PTPRG: variants seen among roughly 807,000 people sequenced by gnomAD.
PTPRG encodes receptor-type tyrosine-protein phosphatase gamma.
In PTPRG, 102 loss-of-function variants were observed where a neutral mutation model predicts 165.3. The observed-to-expected ratio is 0.62, with a 90% CI of 0.53 to 0.73. PTPRG has a LOEUF of 0.73. PTPRG is among the 30% of genes least tolerant of loss of function. The probability of loss-of-function intolerance (pLI) is 0.00; values close to 1 mark genes in which losing one functional copy is unlikely to be tolerated. For synonymous variants in PTPRG, 675 were observed against 669.5 expected, an observed-to-expected ratio of 1.01 and a Z score of -0.13; for missense variants, 1,866 against 1,861.4, an observed-to-expected ratio of 1.00 and a Z score of -0.05.
At chr3:62,231,140 G>T in intron 13 of PTPRG, 85 bp from the exon 14 acceptor site, 1 of 1,017,326 alleles carries the variant, frequency 9.8e-7, no homozygotes, top group South Asian at 3.0e-5. Flanking sequence ...TAGATGGGAG[G>T]GGAGGGCATT....
intron 2 of PTPRG, among the ~76,000 whole-genome samples, chr3:61,878,028 CTGTTGTTA>C (rs1298751903): frequency 6.6e-6 from 1 of 152,168 alleles, no homozygotes; most frequent in East Asian, 1.9e-4. Flanking sequence ...CCTGAGATCT[CTGTTGTTA>C]AATTTGGGAT....
rs1004300560 is a variant in PTPRG at position 61,799,700 on chromosome 3, T to C, written c.190+50718T>C. On this transcript the variant is annotated intron_variant, in intron 2 of 29. Transcript: ENST00000474889. The stretch of plus-strand genomic sequence containing the variant: ...AACACAATTTATGACCTTGATCTCC[T>C]GGACTGAGTTGGTATTTGTTAGATT... Among the ~76,000 whole-genome samples the C allele has an allele frequency of 3.3e-4, 50 of 152,190 alleles. 1 individual carries two copies. Among genetic ancestry groups the C allele is most frequent in the Admixed American group, 2.8e-3 (43 of 15,252 alleles).
chr3:61,723,799 A>G (rs1433340984), intron 1 of PTPRG, among the ~76,000 whole-genome samples: 8 of 152,148 alleles, frequency 5.3e-5, no homozygotes, highest in Admixed American at 5.2e-4. Context: ...ACCACTGCTG[A>G]AGTCCAGATA....
intron 8 of PTPRG, among the ~76,000 whole-genome samples, chr3:62,168,452 A>G (rs1271230652): frequency 6.6e-6 from 1 of 152,136 alleles, no homozygotes; most frequent in African/African-American, 2.4e-5. Context: ...CTTTCTGAAA[A>G]GTGTCTTACT....
intron 7 of PTPRG, among the ~76,000 whole-genome samples, chr3:62,160,781 T>A (rs2106710191): frequency 6.6e-6 from 1 of 152,268 alleles, no homozygotes; most frequent in Admixed American, 6.5e-5. Context: ...GCTTGAATTT[T>A]ACTTAAGTGC....
At chr3:61,722,640 A>G (rs1356565413) in intron 1 of PTPRG, among the ~76,000 whole-genome samples, 1 of 152,220 alleles carries the variant, frequency 6.6e-6, no homozygotes, top group South Asian at 2.1e-4. Flanking sequence ...GTCAGTATCA[A>G]ATTTCTAGTC....
chr3:62,025,357 G>A (rs1355052718), intron 4 of PTPRG, among the ~76,000 whole-genome samples: 1 of 152,204 alleles, frequency 6.6e-6, no homozygotes, highest in Non-Finnish European at 1.5e-5. Context: ...GACTGGGAAG[G>A]ACTCTGAGAG....
chr3:62,092,635 T>G (rs1701982813), intron 5 of PTPRG, among the ~76,000 whole-genome samples: 1 of 151,466 alleles, frequency 6.6e-6, no homozygotes. Flanking sequence ...TTCAGTCAAG[T>G]ACACTTAACC....
chr3:62,057,959 T>C (rs758841592), intron 4 of PTPRG, among the ~76,000 whole-genome samples: 1 of 152,214 alleles, frequency 6.6e-6, no homozygotes, highest in Non-Finnish European at 1.5e-5. Context: ...ACTTCAGGTG[T>C]AGGCATTTCA....
intron 6 of PTPRG, among the ~76,000 whole-genome samples, chr3:62,138,096 G>T (rs565361973): frequency 6.6e-6 from 1 of 152,180 alleles, no homozygotes; most frequent in African/African-American, 2.4e-5. Context: ...TTCATTAGCA[G>T]TTCCTGGGCC....
At chr3:62,130,386 G>A (rs1703469848) in intron 5 of PTPRG, among the ~76,000 whole-genome samples, 1 of 152,168 alleles carries the variant, frequency 6.6e-6, no homozygotes, top group Non-Finnish European at 1.5e-5. Context: ...AAGACATATG[G>A]ACAAGCCCAA....
intron 8 of PTPRG, among the ~76,000 whole-genome samples, chr3:62,187,146 C>T (rs1011053479): frequency 1.3e-5 from 2 of 152,248 alleles, no homozygotes; most frequent in Non-Finnish European, 2.9e-5. Context: ...GGAGCTTCCA[C>T]CTAGTGGGGG....
At chr3:61,781,293 G>T (rs1433919595) in intron 2 of PTPRG, among the ~76,000 whole-genome samples, 1 of 152,166 alleles carries the variant, frequency 6.6e-6, no homozygotes, top group Non-Finnish European at 1.5e-5. Context: ...AGGTTTAGTT[G>T]TGTGTGCTTT....
intron 28 of PTPRG, among the ~76,000 whole-genome samples, chr3:62,284,266 G>C (rs1281583111): frequency 6.6e-6 from 1 of 152,052 alleles, no homozygotes; most frequent in East Asian, 1.9e-4. Context: ...ATACTAAACA[G>C]AAGTGTTTGA....
At chr3:61,588,624 G>A (rs916257805) in intron 1 of PTPRG, among the ~76,000 whole-genome samples, 5 of 151,936 alleles carry the variant, frequency 3.3e-5, no homozygotes, top group Non-Finnish European at 7.4e-5. Flanking sequence ...TTTTTGTATT[G>A]TAGTAGAGAC....
chr3:62,104,457 C>T (rs1175026181), intron 5 of PTPRG, among the ~76,000 whole-genome samples: 1 of 152,160 alleles, frequency 6.6e-6, no homozygotes, highest in Admixed American at 6.5e-5. Flanking sequence ...CAGCCCTTTG[C>T]CTTGTTATCT....
intron 2 of PTPRG, among the ~76,000 whole-genome samples, chr3:61,816,663 T>C (rs1220999843): frequency 6.6e-6 from 1 of 152,134 alleles, no homozygotes. Flanking sequence ...AATGGCTACA[T>C]GTATTCAAAT....
intron 1 of PTPRG, among the ~76,000 whole-genome samples, chr3:61,599,194 G>C (rs1470422489): frequency 6.6e-6 from 1 of 152,094 alleles, no homozygotes; most frequent in East Asian, 1.9e-4. Context: ...GCCCAGGCTG[G>C]AGTGCAGTGC....
At chr3:61,618,504 A>G (rs368015658) in intron 1 of PTPRG, among the ~76,000 whole-genome samples, 7 of 152,288 alleles carry the variant, frequency 4.6e-5, no homozygotes, top group South Asian at 2.1e-4. Flanking sequence ...GCAGATGGCA[A>G]TTGAGCTTTT....
Sources: gnomAD v4.1 joint callset for allele counts (sites outside exome capture counted in the v4.1 genomes callset) on GRCh38, gnomAD v4.1.1 for gene constraint, MANE v1.5 for transcripts, NCBI Gene and HGNC (gene_info 2026-07-23, HGNC 2026-07-21) for gene names.